Variants in TAC4 observed in about 807,000 individuals in gnomAD.
TAC4 encodes tachykinin precursor 4, also known as tachykinin-4.
Under a neutral mutation model 17.7 loss-of-function variants are expected in TAC4, and 17 were observed. The observed-to-expected ratio is 0.96, with a 90% confidence interval of 0.66 to 1.44. TAC4 has a LOEUF of 1.44. Among genes scored for constraint, TAC4 ranks in the 40% most tolerant of loss-of-function variants. The pLI is 0.00. For missense variants in TAC4, 118 were observed against 125.6 expected, an observed-to-expected ratio of 0.94 and a Z score of 0.29; for synonymous variants, 62 against 52.4, an observed-to-expected ratio of 1.18 and a Z score of -0.79.
chr17:49,844,433 T>C (rs2074521987), intron 1 of TAC4, among the ~76,000 whole-genome samples: 1 of 152,020 alleles, frequency 6.6e-6, no homozygotes, highest in African/African-American at 2.4e-5. Flanking sequence ...GTTACTGTCA[T>C]TTTACACATG....
intron 3 of TAC4, among the ~76,000 whole-genome samples, chr17:49,840,754 C>T (rs948283975): frequency 6.6e-6 from 1 of 151,394 alleles, no homozygotes; most frequent in Non-Finnish European, 1.5e-5. Context: ...CCACCTGCCT[C>T]GGCTTCCCAA....
chr17:49,842,761 A>G (rs894153370), intron 2 of TAC4, among the ~76,000 whole-genome samples: 2 of 152,180 alleles, frequency 1.3e-5, no homozygotes, highest in African/African-American at 4.8e-5. Flanking sequence ...CTGTCCTTGA[A>G]GTAACCACTG....
chr17:49,842,727 C>G (rs1168849306), intron 2 of TAC4, among the ~76,000 whole-genome samples: 1 of 152,070 alleles, frequency 6.6e-6, no homozygotes, highest in East Asian at 1.9e-4. Flanking sequence ...TCTCTCTTCC[C>G]TTTCTCCCCC....
At chr17:49,847,011 A>G (rs1220616029) in intron 1 of TAC4, 2 of 1,290,090 alleles carry the variant, frequency 1.6e-6, no homozygotes, top group Non-Finnish European at 2.0e-6. Context: ...CACTGCACAC[A>G]CTTCCAGGTT....
At chr17:49,842,281 A>C (rs1328271616) in intron 2 of TAC4, among the ~76,000 whole-genome samples, 3 of 152,010 alleles carry the variant, frequency 2.0e-5, no homozygotes, top group Non-Finnish European at 4.4e-5. Flanking sequence ...CTGTAATCCC[A>C]GCACTTTGGG....
chr17:49,847,616 A>G (rs1057430466), intron 1 of TAC4: 1 of 391,312 alleles, frequency 2.6e-6, no homozygotes, highest in Non-Finnish European at 4.8e-6. Context: ...GTTAATATTT[A>G]TAAAGCATTT....
rs935050792 is a variant in TAC4, at chr17:49,838,360, C to T, written c.*282G>A. 2.5e-5 allele frequency: 13 copies of T among 529,044 alleles called. No individual in the cohort carries two copies. The highest frequency in any genetic ancestry group is 7.2e-5 in the Admixed American group (2 of 27,788). The allele number at this position is 529,044 out of a possible 1,614,324, so 32.8% of individuals were successfully genotyped here. A position where few individuals can be genotyped will look rare whatever the true frequency, so the allele number is the denominator to read the frequency against. On this transcript the variant is annotated 3_prime_UTR_variant, in exon 5 of 5. Coordinates refer to ENST00000436235, the MANE Select transcript of TAC4 (RefSeq NM_001077506.2). ...TGCTAGGCACAGGATACAGAGTGTG[C>T]GAGTCTCCTCACTGCTGTGCAGTGA...
chr17:49,843,517 C>T (rs1414792624), intron 2 of TAC4, among the ~76,000 whole-genome samples: 1 of 116,990 alleles, frequency 8.5e-6, no homozygotes, highest in African/African-American at 3.0e-5. Flanking sequence ...TGCCCGTGCT[C>T]CCCATTGTTG....
rs1555609066 is a variant in TAC4 at position 49,847,694 on chromosome 17, C to CAG, written c.105+218_105+219insCT. 177 of 166,608 alleles carry CAG rather than the reference C, an allele frequency of 1.1e-3. No homozygotes were observed. In the African/African-American group the frequency reaches 0.012, roughly 11 times the overall value. 10.3% of individuals were successfully genotyped at this position (166,608 alleles called of 1,614,324 possible). A position where few individuals can be genotyped will look rare whatever the true frequency, so the allele number is the denominator to read the frequency against. On this transcript the variant is annotated intron_variant, in intron 1 of 4. Coordinates refer to ENST00000436235, the MANE Select transcript of TAC4 (RefSeq NM_001077506.2). ...TTACACACACACACACACACACAGACACACACACACACACACACACACACA... is the reference window on the plus strand; with the variant it reads ...TTACACACACACACACACACACAGACAGACACACACACACACACACACACACA...
intron 3 of TAC4, 120 bp from the exon 4 acceptor site, chr17:49,840,029 C>G (rs1216273032): frequency 2.6e-6 from 2 of 781,022 alleles, no homozygotes; most frequent in African/African-American, 1.7e-5. Context: ...TGGGGCCTTG[C>G]AAATGGGATC....
Position 49,838,559 on chromosome 17 carries a change from G to A in TAC4, c.*83C>T. 1 of 1,557,792 alleles carries A rather than the reference G, an allele frequency of 6.4e-7. No homozygotes were observed. The highest frequency in any genetic ancestry group is 8.9e-7 in the Non-Finnish European group (1 of 1,129,850). Reference sequence around the variant, plus strand: ...GAGGACAGGAGACACAGAGAAGAGAGTTGGCCTGCCGGCTTGTCAGCTGTG... The same window carrying A: ...GAGGACAGGAGACACAGAGAAGAGAATTGGCCTGCCGGCTTGTCAGCTGTG... On this transcript the variant is annotated 3_prime_UTR_variant, in exon 5 of 5. Transcript: ENST00000436235.
intron 4 of TAC4, 97 bp from the exon 5 acceptor site, chr17:49,838,770 T>C: frequency 8.1e-7 from 1 of 1,238,620 alleles, no homozygotes; most frequent in South Asian, 1.3e-5. Flanking sequence ...AAGGCCTTCA[T>C]CTTCCTAACC....
chr17:49,838,318 A>C lies in TAC4; in HGVS notation c.*324T>G. The C allele has an allele frequency of 2.4e-6, 1 of 417,064 alleles. No homozygotes were observed. The highest frequency in any genetic ancestry group is 4.3e-6 in the Non-Finnish European group (1 of 233,672). 25.8% of individuals were successfully genotyped at this position (417,064 alleles called of 1,614,324 possible). A position where few individuals can be genotyped will look rare whatever the true frequency, so the allele number is the denominator to read the frequency against. On this transcript the variant is annotated 3_prime_UTR_variant, in exon 5 of 5. Coordinates refer to ENST00000436235, the MANE Select transcript of TAC4 (RefSeq NM_001077506.2). ...GGAGCCATTCACTGGTCACTCATTT[A>C]TTGAGTGCCTACTGTGTGCTAGGCA...
rs552718679 is a variant in TAC4 at position 49,847,718 on chromosome 17, C to G, written c.105+195G>C. ...ACACACACACACACACACACACACACACACACACTTCGGAGGTCTGCCAGG... is the reference window on the plus strand; with the variant it reads ...ACACACACACACACACACACACACAGACACACACTTCGGAGGTCTGCCAGG... On this transcript the variant is annotated intron_variant, in intron 1 of 4. Coordinates refer to ENST00000436235, the MANE Select transcript of TAC4 (RefSeq NM_001077506.2). 248 of 736,540 alleles carry G rather than the reference C, an allele frequency of 3.4e-4. 3 individuals are homozygous for G. The South Asian group carries it at 4.2e-3, about 12-fold the overall frequency. The allele number at this position is 736,540 out of a possible 1,614,324, so 45.6% of individuals were successfully genotyped here. A position where few individuals can be genotyped will look rare whatever the true frequency, so the allele number is the denominator to read the frequency against.
At chr17:49,840,563 C>T (rs1000580865) in intron 3 of TAC4, among the ~76,000 whole-genome samples, 2 of 152,038 alleles carry the variant, frequency 1.3e-5, no homozygotes, top group Non-Finnish European at 2.9e-5. Context: ...AATGCAGTGG[C>T]GTGATCTCGG....
intron 4 of TAC4, among the ~76,000 whole-genome samples, chr17:49,839,144 G>C (rs567412853): frequency 6.6e-6 from 1 of 152,120 alleles, no homozygotes; most frequent in Non-Finnish European, 1.5e-5. Context: ...GGAATGAGTC[G>C]AGCAGGTGTT....
chr17:49,847,839 T>G (rs1194221100), intron 1 of TAC4, 74 bp downstream of exon 1: 2 of 1,610,816 alleles, frequency 1.2e-6, no homozygotes, highest in East Asian at 4.5e-5. Flanking sequence ...GGGGATCTTC[T>G]GCCTCTGCAC....
intron 3 of TAC4, among the ~76,000 whole-genome samples, chr17:49,840,636 G>A (rs1387480218): frequency 6.6e-6 from 1 of 151,940 alleles, no homozygotes; most frequent in Non-Finnish European, 1.5e-5. Context: ...CTGAGTAGCT[G>A]GGATGACAGG....
chr17:49,841,540 G>A lies in TAC4; in HGVS notation c.232+12C>T, dbSNP rs749152120. On this transcript the variant is annotated intron_variant, in intron 3 of 4. Transcript: ENST00000436235. ...AGGGGGCATGTTGAAGGCAGGTTTG[G>A]GCAATACTTACCTTTTTTTCTCCTT... 1 of 1,578,512 alleles carries A rather than the reference G, an allele frequency of 6.3e-7. No individual in the cohort carries two copies. The highest frequency in any genetic ancestry group is 8.6e-7 in the Non-Finnish European group (1 of 1,163,452).
Sources: allele counts gnomAD v4.1 joint callset (sites outside exome capture counted in the v4.1 genomes callset), GRCh38; gene constraint gnomAD v4.1.1; transcripts MANE v1.5; gene names NCBI Gene and HGNC (gene_info 2026-07-23, HGNC 2026-07-21).